The following WAC variants were observed in gnomAD, a reference collection of about 807,000 sequenced individuals.
WAC encodes WW domain-containing adapter protein with coiled-coil.
Under a neutral mutation model 79.6 loss-of-function variants are expected in WAC, and 11 were observed. The observed-to-expected ratio is 0.14, with a 90% CI of 0.09 to 0.23. The LOEUF (loss-of-function observed/expected upper bound fraction) is 0.23. Ranked by LOEUF, WAC falls within the 10% of genes least tolerant of loss-of-function variation. WAC has a pLI of 1.00. For synonymous variants in WAC, 304 were observed against 276.9 expected (o/e 1.10, Z -0.97); for missense variants, 728 against 773.5 (o/e 0.94, Z 0.70).
intron 3 of WAC, among the ~76,000 whole-genome samples, chr10:28,556,780 G>T (rs1015913222): frequency 5.9e-5 from 9 of 151,924 alleles, no homozygotes; most frequent in Non-Finnish European, 1.3e-4. Flanking sequence ...TCTGCGTGCG[G>T]CTATCCAGTT....
chr10:28,533,913 G>T, intron 1 of WAC, 85 bp from the exon 2 acceptor site: 1 of 1,513,044 alleles, frequency 6.6e-7, no homozygotes, highest in South Asian at 1.1e-5. Context: ...CCGCGGGGAG[G>T]GGCGGCGGGG....
chr10:28,535,254 A>G, intron 2 of WAC: 1 of 202,226 alleles, frequency 4.9e-6, no homozygotes, highest in Non-Finnish European at 9.8e-6. Context: ...CTATCAAAAA[A>G]TGATTCTAAA....
At chr10:28,608,509 G>A (rs1397221756) in intron 8 of WAC, 78 bp downstream of exon 8, 1 of 1,380,194 alleles carries the variant, frequency 7.2e-7, no homozygotes, top group Admixed American at 2.8e-5. Flanking sequence ...CCCAGTTTAG[G>A]AATGGTCTTT....
intron 9 of WAC, chr10:28,611,101 GT>G (rs1354359830): frequency 5.2e-6 from 3 of 580,350 alleles, no homozygotes; most frequent in East Asian, 4.8e-5. Context: ...TTATTAATGA[GT>G]TTTTTTATGC....
At chr10:28,537,081 AAATAC>A (rs1346377739) in intron 3 of WAC, among the ~76,000 whole-genome samples, 1 of 152,220 alleles carries the variant, frequency 6.6e-6, no homozygotes, top group Non-Finnish European at 1.5e-5. Context: ...TGGTTTGAGA[AAATAC>A]AGTCAGAAGA....
intron 10 of WAC, among the ~76,000 whole-genome samples, chr10:28,612,479 A>T (rs1234287396): frequency 1.3e-5 from 2 of 152,236 alleles, no homozygotes; most frequent in Non-Finnish European, 2.9e-5. Context: ...GTCCCAGCAG[A>T]ATCTTACATG....
chr10:28,540,409 T>C (rs1233820009), intron 3 of WAC, among the ~76,000 whole-genome samples: 1 of 152,228 alleles, frequency 6.6e-6, no homozygotes, highest in Non-Finnish European at 1.5e-5. Flanking sequence ...GCTTTTATCC[T>C]GCTAATATCT....
At chr10:28,534,197 G>C (rs35136724) in intron 2 of WAC, 163 bp downstream of exon 2, 1 of 629,600 alleles carries the variant, frequency 1.6e-6, no homozygotes, top group Non-Finnish European at 2.6e-6. Context: ...GGTTCCTTTA[G>C]CGCTCTCCAG....
chr10:28,609,384 A>C (rs186917231), intron 8 of WAC, among the ~76,000 whole-genome samples: 124 of 152,276 alleles, frequency 8.1e-4, no homozygotes, highest in Middle Eastern at 3.4e-3. Flanking sequence ...AAATAAAGTG[A>C]TCAATTTTTA....
intron 8 of WAC, among the ~76,000 whole-genome samples, chr10:28,609,147 A>C (rs1841100672): frequency 6.6e-6 from 1 of 152,238 alleles, no homozygotes; most frequent in African/African-American, 2.4e-5. Flanking sequence ...GGATCACCTG[A>C]GGTCAGGAGT....
chr10:28,604,282 A>G (rs1840820282), intron 7 of WAC, among the ~76,000 whole-genome samples: 1 of 150,908 alleles, frequency 6.6e-6, no homozygotes, highest in South Asian at 2.1e-4. Context: ...TTTGAGGCCA[A>G]TCAAGATGAT....
At chr10:28,608,478 A>G in intron 8 of WAC, 47 bp downstream of exon 8, 1 of 1,490,294 alleles carries the variant, frequency 6.7e-7, no homozygotes. Flanking sequence ...CATTGTGCAA[A>G]GTTATGTAAG....
chr10:28,592,309 G>A (rs1338743109), intron 6 of WAC, among the ~76,000 whole-genome samples: 1 of 152,120 alleles, frequency 6.6e-6, no homozygotes, highest in African/African-American at 2.4e-5. Context: ...GCAAATTGCA[G>A]GGGAGGGGAT....
intron 10 of WAC, among the ~76,000 whole-genome samples, chr10:28,614,271 A>C (rs1028637971): frequency 6.6e-6 from 1 of 151,852 alleles, no homozygotes; most frequent in Non-Finnish European, 1.5e-5. Flanking sequence ...GCGCCCGGCT[A>C]ATTTTTTGTA....
chr10:28,534,135 G>A (rs779204277), intron 2 of WAC, 101 bp downstream of exon 2: 21 of 1,164,052 alleles, frequency 1.8e-5, no homozygotes, highest in Non-Finnish European at 2.4e-5. Flanking sequence ...CAGGCCCTTC[G>A]GTGCAACACA....
intron 3 of WAC, among the ~76,000 whole-genome samples, chr10:28,562,733 T>C (rs866348133): frequency 6.6e-6 from 1 of 152,184 alleles, no homozygotes; most frequent in Non-Finnish European, 1.5e-5. Context: ...TAACCAAATA[T>C]CAGATGTTGT....
At chr10:28,581,197 C>A (rs371852726) in intron 3 of WAC, among the ~76,000 whole-genome samples, 21 of 147,594 alleles carry the variant, frequency 1.4e-4, no homozygotes, top group African/African-American at 5.2e-4. Flanking sequence ...TCAGTACAAA[C>A]CATATTATAT....
chr10:28,576,287 C>CAT (rs201416804), intron 3 of WAC, among the ~76,000 whole-genome samples: 403 of 151,850 alleles, frequency 2.7e-3, no homozygotes, highest in African/African-American at 8.6e-3. Flanking sequence ...AATATGTAGC[C>CAT]ATATATATAT....
chr10:28,581,192 A>G (rs868384235), intron 3 of WAC, among the ~76,000 whole-genome samples: 21 of 149,730 alleles, frequency 1.4e-4, no homozygotes, highest in African/African-American at 4.9e-4. Flanking sequence ...GGTGTTCAGT[A>G]CAAACCATAT....
Sources: allele counts gnomAD v4.1 joint callset (sites outside exome capture counted in the v4.1 genomes callset), GRCh38; gene constraint gnomAD v4.1.1; transcripts MANE v1.5; gene names NCBI Gene and HGNC (gene_info 2026-07-23, HGNC 2026-07-21).